The following ADARB2 variants were observed in gnomAD, a reference collection of about 807,000 sequenced individuals.
ADARB2 encodes inactive double-stranded RNA-specific editase B2.
ADARB2 carries 25 observed loss-of-function variants against 62.2 expected under a neutral mutation model. The observed-to-expected ratio is 0.40, with a 90% CI of 0.29 to 0.56. The LOEUF is 0.56. Among genes scored for constraint, ADARB2 ranks in the 20% least tolerant of loss-of-function variants. ADARB2 has a pLI of 0.43. For synonymous variants in ADARB2, 572 were observed against 500.8 expected, an observed-to-expected ratio of 1.14 and a Z score of -1.90; for missense variants, 1,071 against 1,077.4, an observed-to-expected ratio of 0.99 and a Z score of 0.08.
chr10:1,409,281 G>A (rs548576873), intron 1 of ADARB2, among the ~76,000 whole-genome samples: 11 of 143,074 alleles, frequency 7.7e-5, no homozygotes, highest in Admixed American at 5.8e-4. Context: ...GCCTGACGGC[G>A]GGCTCCCACT....
At chr10:1,460,149 A>G (rs879413436) in intron 1 of ADARB2, among the ~76,000 whole-genome samples, 14 of 30,526 alleles carry the variant, frequency 4.6e-4, no homozygotes, top group Admixed American at 1.1e-3. Context: ...TACCTGTGTA[A>G]CGAACCTGCC....
intron 3 of ADARB2, among the ~76,000 whole-genome samples, chr10:1,278,281 CT>C (rs888984888): frequency 5.4e-5 from 8 of 148,006 alleles, no homozygotes; most frequent in Middle Eastern, 7.0e-3. Context: ...ACACCCGGTC[CT>C]TTTTTTCTTT....
At chr10:1,395,105 G>T (rs1832600346) in intron 1 of ADARB2, among the ~76,000 whole-genome samples, 2 of 152,024 alleles carry the variant, frequency 1.3e-5, no homozygotes, top group Admixed American at 6.6e-5. Flanking sequence ...CACTAGAGCT[G>T]AGGGCTTGCT....
At chr10:1,722,955 G>T (rs530828964) in intron 1 of ADARB2, among the ~76,000 whole-genome samples, 1 of 152,182 alleles carries the variant, frequency 6.6e-6, no homozygotes, top group African/African-American at 2.4e-5. Flanking sequence ...ACACATACAC[G>T]CACACACAGG....
chr10:1,645,469 T>A (rs918173263), intron 1 of ADARB2, among the ~76,000 whole-genome samples: 2 of 152,162 alleles, frequency 1.3e-5, no homozygotes, highest in African/African-American at 4.8e-5. Flanking sequence ...ACTTTGTTAC[T>A]TCCACATAAA....
At chr10:1,378,683 C>T (rs1051159418) in intron 2 of ADARB2, among the ~76,000 whole-genome samples, 2 of 151,756 alleles carry the variant, frequency 1.3e-5, no homozygotes, top group African/African-American at 4.8e-5. Flanking sequence ...GCGGGTGGGA[C>T]CACAGGTGAG....
chr10:1,392,633 A>G (rs747470746), intron 1 of ADARB2, among the ~76,000 whole-genome samples: 14 of 152,204 alleles, frequency 9.2e-5, no homozygotes, highest in Non-Finnish European at 1.5e-4. Context: ...TTACAACGCC[A>G]TCTCCAAGCT....
At chr10:1,379,729 G>A (rs1203128249) in intron 1 of ADARB2, among the ~76,000 whole-genome samples, 3 of 152,182 alleles carry the variant, frequency 2.0e-5, no homozygotes, top group Non-Finnish European at 2.9e-5. Context: ...CCCGGAAACG[G>A]CCAAGCGTCC....
intron 1 of ADARB2, among the ~76,000 whole-genome samples, chr10:1,416,978 G>C (rs529557714): frequency 1.3e-5 from 2 of 152,360 alleles, no homozygotes; most frequent in Middle Eastern, 3.4e-3. Flanking sequence ...CTTAGGAGTT[G>C]TTACTGCAGG....
At chr10:1,654,031 G>T (rs185609902) in intron 1 of ADARB2, among the ~76,000 whole-genome samples, 63 of 152,130 alleles carry the variant, frequency 4.1e-4, no homozygotes, top group African/African-American at 1.5e-3. Context: ...CTCTGTGGAG[G>T]TAGAGGAGCA....
intron 1 of ADARB2, among the ~76,000 whole-genome samples, chr10:1,475,656 C>T (rs1364758464): frequency 6.6e-6 from 1 of 152,234 alleles, no homozygotes; most frequent in Admixed American, 6.5e-5. Flanking sequence ...TTTTAAAGTT[C>T]AGCCATTTGA....
intron 7 of ADARB2, among the ~76,000 whole-genome samples, chr10:1,211,508 G>C (rs964217493): frequency 6.6e-6 from 1 of 152,228 alleles, no homozygotes; most frequent in Non-Finnish European, 1.5e-5. Flanking sequence ...TTAGAGTTTG[G>C]TGGGAAGCAT....
intron 2 of ADARB2, among the ~76,000 whole-genome samples, chr10:1,377,083 G>A (rs111207838): frequency 7.6e-6 from 1 of 130,800 alleles, no homozygotes; most frequent in African/African-American, 3.0e-5. Flanking sequence ...GCGCTCCTGG[G>A]GTGTGTGTGT....
chr10:1,508,141 GA>G (rs1831875394), intron 1 of ADARB2, among the ~76,000 whole-genome samples: 1 of 152,202 alleles, frequency 6.6e-6, no homozygotes, highest in African/African-American at 2.4e-5. Context: ...CACGGCCAGC[GA>G]GACCTTGACA....
intron 1 of ADARB2, among the ~76,000 whole-genome samples, chr10:1,707,674 A>T (rs1407610673): frequency 1.3e-5 from 2 of 152,198 alleles, no homozygotes; most frequent in African/African-American, 4.8e-5. Context: ...CTATACAGGG[A>T]TGCCTTCCTG....
chr10:1,586,462 G>A (rs867371241), intron 1 of ADARB2, among the ~76,000 whole-genome samples: 5 of 152,278 alleles, frequency 3.3e-5, no homozygotes, highest in South Asian at 4.2e-4. Flanking sequence ...CTTCACTTCC[G>A]GAATAGAGTG....
chr10:1,248,242 G>A (rs971415114), intron 4 of ADARB2, among the ~76,000 whole-genome samples: 5 of 151,482 alleles, frequency 3.3e-5, no homozygotes, highest in Admixed American at 6.6e-5. Flanking sequence ...ACTCCCAGGC[G>A]TGCAGGAGGT....
At chr10:1,346,432 C>T (rs11250436) in intron 3 of ADARB2, among the ~76,000 whole-genome samples, 498 of 152,296 alleles carry the variant, frequency 3.3e-3, no homozygotes, top group African/African-American at 0.011. Flanking sequence ...AGGTTGTCAC[C>T]GCGCTTTACT....
At chr10:1,541,488 TCACAG>T (rs779206392) in intron 1 of ADARB2, among the ~76,000 whole-genome samples, 3 of 52,386 alleles carry the variant, frequency 5.7e-5, no homozygotes, top group Admixed American at 2.0e-4. Context: ...AGACCCTGGA[TCACAG>T]CCGTCCAGAC....
Sources: gnomAD v4.1 joint callset for allele counts (sites outside exome capture counted in the v4.1 genomes callset) on GRCh38, gnomAD v4.1.1 for gene constraint, MANE v1.5 for transcripts, NCBI Gene and HGNC (gene_info 2026-07-23, HGNC 2026-07-21) for gene names.